The following TBXAS1 variants were observed in gnomAD, a reference collection of about 807,000 sequenced individuals.
The protein encoded by TBXAS1 is thromboxane-A synthase.
A neutral mutation model predicts 60.7 loss-of-function variants in TBXAS1; 48 were observed. The ratio of observed to expected loss-of-function variants is 0.79; its 90% CI spans 0.63 to 1.01. The LOEUF (loss-of-function observed/expected upper bound fraction) is 1.01. TBXAS1 is among the 50% of genes least tolerant of loss of function. TBXAS1 has a pLI of 0.00. For synonymous variants in TBXAS1, 287 were observed against 269.7 expected, an observed-to-expected ratio of 1.06 and a Z score of -0.63; for missense variants, 685 against 686.3, an observed-to-expected ratio of 1.00 and a Z score of 0.02.
rs1312180560 is a variant in TBXAS1 at position 139,951,783 on chromosome 7, A to G, written c.451-1585A>G. 1.6e-4 allele frequency among the ~76,000 whole-genome samples: 13 copies of G among 82,116 alleles called. 1 individual carries two copies. The highest frequency in any genetic ancestry group is 2.2e-4 in the Non-Finnish European group (9 of 40,246). 53.9% of individuals were successfully genotyped at this position (82,116 alleles called of 152,430 possible). A position where few individuals can be genotyped will look rare whatever the true frequency, so the allele number is the denominator to read the frequency against. The stretch of plus-strand genomic sequence containing the variant: ...GCAAGACTCTGTCTAAAAAAAAAAA[A>G]AAAGAAAGAAAGAAAGAAAAAGAAA... On this transcript the variant is annotated intron_variant, in intron 5 of 12. Coordinates refer to ENST00000448866, the MANE Select transcript of TBXAS1 (RefSeq NM_001061.7).
chr7:139,904,787 C>T (rs1804841682), intron 3 of TBXAS1, among the ~76,000 whole-genome samples: 1 of 152,094 alleles, frequency 6.6e-6, no homozygotes, highest in Admixed American at 6.6e-5. Context: ...GATTGGTGTA[C>T]ATTAATCTTG....
At chr7:139,971,290 T>C (rs1584980210) in intron 9 of TBXAS1, among the ~76,000 whole-genome samples, 1 of 152,244 alleles carries the variant, frequency 6.6e-6, no homozygotes, top group East Asian at 1.9e-4. Flanking sequence ...TCTGGGTGTG[T>C]ACCTGGAACC....
intron 1 of TBXAS1, among the ~76,000 whole-genome samples, chr7:139,830,122 T>C (rs1798606194): frequency 6.6e-6 from 1 of 152,144 alleles, no homozygotes; most frequent in Admixed American, 6.5e-5. Context: ...CAGCAAATTT[T>C]CCTAAGGCTG....
intron 1 of TBXAS1, among the ~76,000 whole-genome samples, chr7:139,842,995 C>A (rs1799564096): frequency 3.9e-5 from 6 of 152,224 alleles, no homozygotes. Flanking sequence ...GAGCACTGCA[C>A]ACAGACCCCC....
chr7:139,829,153 A>G, upstream of TBXAS1: 1 of 650,158 alleles, frequency 1.5e-6, no homozygotes, highest in Non-Finnish European at 2.8e-6. Flanking sequence ...TGCAGTCATC[A>G]AGGAATAAAG....
chr7:139,801,525 C>T (rs1359768580), intron 4 of TBXAS1, among the ~76,000 whole-genome samples: 2 of 151,800 alleles, frequency 1.3e-5, no homozygotes, highest in East Asian at 1.9e-4. Flanking sequence ...GGCTGGTGTG[C>T]AGTGGCACAA....
chr7:139,904,424 T>C (rs1804813780), intron 3 of TBXAS1, among the ~76,000 whole-genome samples: 1 of 151,204 alleles, frequency 6.6e-6, no homozygotes, highest in African/African-American at 2.5e-5. Context: ...GCTTTGGCTA[T>C]GCAGGCTCTT....
intron 10 of TBXAS1, among the ~76,000 whole-genome samples, chr7:140,011,673 A>G (rs771098074): frequency 6.6e-6 from 1 of 152,188 alleles, no homozygotes; most frequent in Non-Finnish European, 1.5e-5. Flanking sequence ...GCCAGGGACC[A>G]GGGAGAGGGG....
At chr7:139,887,268 A>T (rs1280788435) in intron 3 of TBXAS1, among the ~76,000 whole-genome samples, 1 of 152,174 alleles carries the variant, frequency 6.6e-6, no homozygotes, top group Non-Finnish European at 1.5e-5. Flanking sequence ...TATTGTGTTA[A>T]AATATGCATC....
At chr7:139,996,469 G>A (rs2267706) in intron 9 of TBXAS1, among the ~76,000 whole-genome samples, 38,038 of 151,882 alleles carry the variant, frequency 0.25, 4,964 homozygotes, top group East Asian at 0.4. Context: ...CCACTTCTAC[G>A]CCAAGCTGCT....
intron 4 of TBXAS1, among the ~76,000 whole-genome samples, chr7:139,791,308 G>A (rs1797374003): frequency 6.6e-6 from 1 of 152,148 alleles, no homozygotes; most frequent in African/African-American, 2.4e-5. Flanking sequence ...AGTAATTCAG[G>A]GACTTAGGCG....
chr7:139,877,860 A>G (rs1802368173), intron 3 of TBXAS1, among the ~76,000 whole-genome samples: 1 of 151,188 alleles, frequency 6.6e-6, no homozygotes, highest in Non-Finnish European at 1.5e-5. Flanking sequence ...AAACAGTCTC[A>G]TTCTGCAGCT....
At chr7:139,989,495 C>T (rs1812738514) in intron 9 of TBXAS1, among the ~76,000 whole-genome samples, 1 of 152,174 alleles carries the variant, frequency 6.6e-6, no homozygotes, top group Admixed American at 6.5e-5. Context: ...CCTCCTCCTT[C>T]CCAAGGGGCT....
intron 9 of TBXAS1, among the ~76,000 whole-genome samples, chr7:139,981,306 G>A (rs2299897): frequency 0.19 from 28,410 of 152,014 alleles, 2,828 homozygotes; most frequent in Middle Eastern, 0.36. Flanking sequence ...AGTACAGACT[G>A]GGTTTCACCA....
chr7:139,967,682 A>G (rs577848570), intron 9 of TBXAS1, among the ~76,000 whole-genome samples: 1 of 152,276 alleles, frequency 6.6e-6, no homozygotes, highest in African/African-American at 2.4e-5. Context: ...TGTCTAGGTG[A>G]GGCCTTACCC....
intron 1 of TBXAS1, among the ~76,000 whole-genome samples, chr7:139,838,655 C>CA (rs1367278909): frequency 5.3e-5 from 8 of 151,968 alleles, no homozygotes; most frequent in South Asian, 4.2e-4. Context: ...GGAAAAAAGA[C>CA]AAAAAAAATC....
At chr7:139,807,747 G>T (rs1797915483) in intron 4 of TBXAS1, among the ~76,000 whole-genome samples, 2 of 151,984 alleles carry the variant, frequency 1.3e-5, no homozygotes, top group Non-Finnish European at 2.9e-5. Flanking sequence ...CAAACTCTTG[G>T]CCTCAAGCGA....
chr7:139,806,961 A>G (rs1360633158), intron 4 of TBXAS1, among the ~76,000 whole-genome samples: 3 of 152,164 alleles, frequency 2.0e-5, no homozygotes, highest in Non-Finnish European at 2.9e-5. Context: ...GGGGGTTCAC[A>G]AACTGGACAG....
intron 3 of TBXAS1, among the ~76,000 whole-genome samples, chr7:139,904,794 C>T (rs1272372180): frequency 6.6e-6 from 1 of 152,100 alleles, no homozygotes; most frequent in Non-Finnish European, 1.5e-5. Flanking sequence ...GTACATTAAT[C>T]TTGTATCTGG....
Sources: allele counts gnomAD v4.1 joint callset (sites outside exome capture counted in the v4.1 genomes callset), GRCh38; gene constraint gnomAD v4.1.1; transcripts MANE v1.5; gene names NCBI Gene and HGNC (gene_info 2026-07-23, HGNC 2026-07-21).